Variants in ATG7 observed in about 807,000 individuals in gnomAD.
ATG7 encodes the protein ubiquitin-like modifier-activating enzyme ATG7.
In ATG7, 70 loss-of-function variants were observed where a neutral mutation model predicts 82.4. The ratio of observed to expected loss-of-function variants is 0.85; its 90% CI spans 0.70 to 1.04. The LOEUF is 1.04. Ranked by LOEUF, ATG7 falls within the 50% of genes least tolerant of loss-of-function variation. The pLI is 0.00. For missense variants in ATG7, 792 were observed against 864.3 expected (o/e 0.92, Z 1.05); for synonymous variants, 287 against 313.0 (o/e 0.92, Z 0.88).
intron 20 of ATG7, among the ~76,000 whole-genome samples, chr3:11,546,375 T>C (rs1388743156): frequency 1.1e-4 from 17 of 152,134 alleles, no homozygotes; most frequent in Admixed American, 1.1e-3. Flanking sequence ...TTTTGCCATG[T>C]TGGCCAAGCT....
chr3:11,519,804 G>T (rs769318314), intron 20 of ATG7, among the ~76,000 whole-genome samples: 4 of 151,662 alleles, frequency 2.6e-5, no homozygotes, highest in African/African-American at 9.7e-5. Context: ...CTTGTGATCC[G>T]CCCACCTCGG....
At chr3:11,307,366 T>C (rs1947921960) in intron 6 of ATG7, among the ~76,000 whole-genome samples, 4 of 152,224 alleles carry the variant, frequency 2.6e-5, no homozygotes, top group Admixed American at 2.6e-4. Context: ...CAGCCAGACC[T>C]CTGAGAGTTG....
At chr3:11,464,378 T>G (rs150799786) in intron 20 of ATG7, among the ~76,000 whole-genome samples, 15 of 152,298 alleles carry the variant, frequency 9.8e-5, no homozygotes, top group African/African-American at 3.6e-4. Context: ...GTCTCAAAAT[T>G]AAAAATTAAA....
At chr3:11,275,367 G>A (rs978898340) in intron 1 of ATG7, among the ~76,000 whole-genome samples, 1 of 105,924 alleles carries the variant, frequency 9.4e-6, no homozygotes, top group African/African-American at 3.8e-5. Context: ...CTTTTTTTTT[G>A]AGATGGAGTC....
chr3:11,550,679 T>A (rs56053623), intron 20 of ATG7, among the ~76,000 whole-genome samples: 1 of 152,030 alleles, frequency 6.6e-6, no homozygotes, highest in Admixed American at 6.5e-5. Context: ...ATTATAGGCA[T>A]GCCTGGCCTC....
At chr3:11,320,963 T>C (rs970286006) in intron 9 of ATG7, among the ~76,000 whole-genome samples, 2 of 152,240 alleles carry the variant, frequency 1.3e-5, no homozygotes, top group African/African-American at 4.8e-5. Flanking sequence ...TTATGTCTAA[T>C]GAGTTACACA....
intron 15 of ATG7, among the ~76,000 whole-genome samples, chr3:11,360,066 G>A (rs1367155610): frequency 2.0e-5 from 3 of 152,286 alleles, no homozygotes; most frequent in South Asian, 4.1e-4. Flanking sequence ...CTTTTTCAGA[G>A]ATAGAATCTT....
intron 20 of ATG7, among the ~76,000 whole-genome samples, chr3:11,526,823 G>T (rs943943448): frequency 6.6e-6 from 1 of 152,004 alleles, no homozygotes; most frequent in Non-Finnish European, 1.5e-5. Context: ...TGTTAAGAAT[G>T]AATCTAAAGT....
chr3:11,486,392 A>G (rs564221155), intron 20 of ATG7, among the ~76,000 whole-genome samples: 1 of 152,188 alleles, frequency 6.6e-6, no homozygotes, highest in African/African-American at 2.4e-5. Context: ...GATTTTGTAT[A>G]CTGAGACTTT....
intron 7 of ATG7, among the ~76,000 whole-genome samples, chr3:11,310,395 G>T (rs80039262): frequency 6.6e-6 from 1 of 151,862 alleles, no homozygotes; most frequent in Non-Finnish European, 1.5e-5. Context: ...ACCTCCCACC[G>T]TTCCTCCTAG....
intron 20 of ATG7, among the ~76,000 whole-genome samples, chr3:11,479,605 T>C (rs758665865): frequency 2.0e-5 from 3 of 152,090 alleles, no homozygotes; most frequent in Non-Finnish European, 2.9e-5. Flanking sequence ...TAAGGCATGT[T>C]TTCTAAAAAG....
intron 20 of ATG7, among the ~76,000 whole-genome samples, chr3:11,463,520 T>G (rs1333030116): frequency 1.3e-5 from 2 of 152,224 alleles, no homozygotes. Context: ...CCTTCCCGCA[T>G]TTAGACTTGG....
At chr3:11,288,709 A>T (rs1944482255) in intron 3 of ATG7, 1 of 152,202 alleles carries the variant, frequency 6.6e-6, no homozygotes, top group African/African-American at 2.4e-5. Context: ...TAAAAAACAA[A>T]AGATTTAGAT....
chr3:11,510,280 C>G (rs966555237), intron 20 of ATG7: 4 of 456,516 alleles, frequency 8.8e-6, no homozygotes, highest in African/African-American at 4.0e-5. Context: ...AAATAGATCT[C>G]TACCAGCTCT....
intron 19 of ATG7, among the ~76,000 whole-genome samples, chr3:11,425,685 A>G (rs770032545): frequency 1.3e-5 from 2 of 151,332 alleles, no homozygotes; most frequent in Non-Finnish European, 3.0e-5. Flanking sequence ...AGGATAACAT[A>G]TATCCAAAAA....
At chr3:11,531,373 C>G (rs1313872019) in intron 20 of ATG7, among the ~76,000 whole-genome samples, 1 of 152,124 alleles carries the variant, frequency 6.6e-6, no homozygotes, top group Non-Finnish European at 1.5e-5. Context: ...TAGGTCTGAG[C>G]CTGTTTATGA....
chr3:11,441,494 G>T (rs950896632), intron 20 of ATG7, among the ~76,000 whole-genome samples: 4 of 151,676 alleles, frequency 2.6e-5, no homozygotes, highest in African/African-American at 9.7e-5. Context: ...CACCCACCTC[G>T]GCCTCCGAAA....
At chr3:11,485,761 G>A (rs2089554340) in intron 20 of ATG7, among the ~76,000 whole-genome samples, 2 of 152,120 alleles carry the variant, frequency 1.3e-5, no homozygotes, top group African/African-American at 4.8e-5. Context: ...TCTACGTATG[G>A]CTAGCCAGTT....
chr3:11,481,709 A>G (rs1205722643), intron 20 of ATG7, among the ~76,000 whole-genome samples: 3 of 152,240 alleles, frequency 2.0e-5, no homozygotes, highest in Non-Finnish European at 2.9e-5. Flanking sequence ...CTTGGAGCAC[A>G]GGGCTTCAGC....
Sources: gnomAD v4.1 joint callset for allele counts (sites outside exome capture counted in the v4.1 genomes callset) on GRCh38, gnomAD v4.1.1 for gene constraint, MANE v1.5 for transcripts, NCBI Gene and HGNC (gene_info 2026-07-23, HGNC 2026-07-21) for gene names.